The following PTTG1IP2 variants were observed in gnomAD, a reference collection of about 807,000 sequenced individuals.
PTTG1IP2 encodes PTTG1IP family member 2.
intron 6 of PTTG1IP2, among the ~76,000 whole-genome samples, chr7:90,496,172 A>G (rs2116098273): frequency 6.6e-6 from 1 of 152,354 alleles, no homozygotes; most frequent in African/African-American, 2.4e-5. Context: ...GCCTCATTAA[A>G]TGCATTGAGA....
At chr7:90,505,931 C>A (rs1008394407) in intron 6 of PTTG1IP2, among the ~76,000 whole-genome samples, 1 of 139,214 alleles carries the variant, frequency 7.2e-6, no homozygotes, top group African/African-American at 2.7e-5. Context: ...TTGCAGTGAG[C>A]CGAGATTCCG....
Position 90,475,699 on chromosome 7 carries a change from G to A in PTTG1IP2, c.146-3529G>A, listed in dbSNP as rs1412078346. ...CTTTGGGCCAGGCGTGGTGGCTCACGCCTGTAATCCCAGCACTTTGGGAGG... is the reference window on the plus strand; with the variant it reads ...CTTTGGGCCAGGCGTGGTGGCTCACACCTGTAATCCCAGCACTTTGGGAGG... On this transcript the variant is annotated intron_variant, in intron 1 of 6. Coordinates refer to ENST00000509356, the MANE Select transcript of PTTG1IP2 (RefSeq NM_001365443.2). Among the ~76,000 whole-genome samples the A allele has an allele frequency of 4.6e-5, 7 of 152,138 alleles. No homozygotes were observed. In the East Asian group the frequency reaches 9.7e-4, roughly 21 times the overall value.
In PTTG1IP2 at chr7:90,499,497, A is replaced by G. The variant is rs1002959922; in HGVS notation, c.*50+5067A>G. 2.0e-5 allele frequency among the ~76,000 whole-genome samples: 3 copies of G among 152,330 alleles called. No individual in the cohort carries two copies. The East Asian group carries it at 5.8e-4, about 29-fold the overall frequency. On this transcript the variant is annotated intron_variant, in intron 6 of 6. Coordinates refer to ENST00000509356, the MANE Select transcript of PTTG1IP2 (RefSeq NM_001365443.2). Reference sequence around the variant, plus strand: ...CAGCATTCACTCTACAGTTGGCCATATAATAATCATATAAAGACTTTTAAA... The same window carrying G: ...CAGCATTCACTCTACAGTTGGCCATGTAATAATCATATAAAGACTTTTAAA...
At chr7:90,483,157 G>T (rs2188516) in intron 2 of PTTG1IP2, among the ~76,000 whole-genome samples, 1 of 152,018 alleles carries the variant, frequency 6.6e-6, no homozygotes, top group Non-Finnish European at 1.5e-5. Context: ...CCTTCAGCTG[G>T]AATAAATATA....
chr7:90,494,835 A>T (rs1173639082), intron 6 of PTTG1IP2, among the ~76,000 whole-genome samples: 1 of 152,142 alleles, frequency 6.6e-6, no homozygotes, highest in Non-Finnish European at 1.5e-5. Flanking sequence ...ACATAGCAAG[A>T]CCCCATCACT....
chr7:90,504,090 G>A (rs1333144551), intron 6 of PTTG1IP2, among the ~76,000 whole-genome samples: 1 of 152,106 alleles, frequency 6.6e-6, no homozygotes, highest in Non-Finnish European at 1.5e-5. Context: ...GCTGGAGCAG[G>A]TGGATCACGA....
chr7:90,481,876 T>C (rs923699246), intron 2 of PTTG1IP2, among the ~76,000 whole-genome samples: 3 of 152,122 alleles, frequency 2.0e-5, no homozygotes, highest in African/African-American at 4.8e-5. Context: ...TTGAATTAAC[T>C]CTTGAGCCAT....
In PTTG1IP2 at chr7:90,469,673, CT is replaced by C. The variant is rs1280882456; in HGVS notation, c.-112del. On this transcript the variant is annotated 5_prime_UTR_variant, in exon 1 of 7. The change abolishes the stop of an existing upstream ORF in the 5' untranslated region. Transcript: ENST00000509356. ...GGCATCCAGGGCTTGCAAGTGGCAG[CT>C]TCAGCACCCAGGGCTGTGGTAGGTC... 2 of 152,734 alleles carry C rather than the reference CT, an allele frequency of 1.3e-5. No homozygotes were observed. The highest frequency in any genetic ancestry group is 1.3e-4 in the Admixed American group (2 of 15,294). The allele number at this position is 152,734 out of a possible 1,614,324, so 9.5% of individuals were successfully genotyped here. A position where few individuals can be genotyped will look rare whatever the true frequency, so the allele number is the denominator to read the frequency against.
intron 6 of PTTG1IP2, among the ~76,000 whole-genome samples, chr7:90,504,590 G>C (rs774614163): frequency 6.6e-6 from 1 of 152,124 alleles, no homozygotes; most frequent in Non-Finnish European, 1.5e-5. Context: ...ATTTACAAAA[G>C]CATTCAGAGA....
intron 2 of PTTG1IP2, among the ~76,000 whole-genome samples, chr7:90,479,762 G>A (rs1797794490): frequency 6.6e-6 from 1 of 152,170 alleles, no homozygotes; most frequent in Non-Finnish European, 1.5e-5. Flanking sequence ...TATAAGTTAT[G>A]AGGGAAATGG....
chr7:90,504,012 G>T (rs993548123), intron 6 of PTTG1IP2, among the ~76,000 whole-genome samples: 1 of 151,904 alleles, frequency 6.6e-6, no homozygotes, highest in Non-Finnish European at 1.5e-5. Context: ...GGATGGTTTG[G>T]TGAAGTAGAA....
chr7:90,492,155 G>A (rs1182441813), intron 4 of PTTG1IP2, 84 bp from the exon 5 acceptor site: 2 of 152,096 alleles, frequency 1.3e-5, no homozygotes, highest in Non-Finnish European at 2.9e-5. Context: ...AATAAAAAAA[G>A]TAGTCTATCT....
chr7:90,509,808 G>C (rs984991621), intron 6 of PTTG1IP2, among the ~76,000 whole-genome samples: 1 of 152,136 alleles, frequency 6.6e-6, no homozygotes, highest in Non-Finnish European at 1.5e-5. Flanking sequence ...GCAGTATAAG[G>C]GTGGTCAGGA....
intron 2 of PTTG1IP2, among the ~76,000 whole-genome samples, chr7:90,486,972 A>T (rs1184919069): frequency 6.6e-6 from 1 of 152,166 alleles, no homozygotes; most frequent in Non-Finnish European, 1.5e-5. Flanking sequence ...TGGGCAAAAA[A>T]AGTCACAAGG....
At position 90,488,914 on chromosome 7, in the gene PTTG1IP2, A is replaced by G. The variant is rs1044696034; in HGVS notation, c.330A>G (p.Leu110=). 6.6e-6 allele frequency: 1 copy of G among 151,936 alleles called. No individual in the cohort carries two copies. The highest frequency in any genetic ancestry group is 1.5e-5 in the Non-Finnish European group (1 of 67,828). 9.4% of individuals were successfully genotyped at this position (151,936 alleles called of 1,614,324 possible). ...GIMMLLLIAV[L]ITGFVWYCCA... ...TGATGCTTCTACTCATTGCAGTATTAATTACAGGATTCGTTTGGTACTGCT... is the reference window on the plus strand; with the variant it reads ...TGATGCTTCTACTCATTGCAGTATTGATTACAGGATTCGTTTGGTACTGCT... The change falls in exon 4 of 7, where the codon TTA becomes TTG. Residue 110 remains leucine (L), a synonymous_variant. Transcript: ENST00000509356.
At chr7:90,471,678 A>G (rs887867771) in intron 1 of PTTG1IP2, among the ~76,000 whole-genome samples, 7 of 152,218 alleles carry the variant, frequency 4.6e-5, no homozygotes, top group African/African-American at 1.7e-4. Flanking sequence ...AGAGGTAACT[A>G]GTGAGTTACT....
chr7:90,513,338 T>G lies in PTTG1IP2; in HGVS notation c.*111T>G, dbSNP rs1230031005. 1 of 152,640 alleles carries G rather than the reference T, an allele frequency of 6.6e-6. No homozygotes were observed. The highest frequency in any genetic ancestry group is 1.9e-4 in the East Asian group (1 of 5,206). 9.5% of individuals were successfully genotyped at this position (152,640 alleles called of 1,614,324 possible). On this transcript the variant is annotated 3_prime_UTR_variant, in exon 7 of 7. Coordinates refer to ENST00000509356, the MANE Select transcript of PTTG1IP2 (RefSeq NM_001365443.2). ...TTTGAGAATGATTGAACTTCCAAAT[T>G]CCCTGAAGTTAAAATTTTAAATTCT...
intron 1 of PTTG1IP2, among the ~76,000 whole-genome samples, chr7:90,476,318 A>G (rs1357301986): frequency 6.6e-6 from 1 of 152,208 alleles, no homozygotes; most frequent in Non-Finnish European, 1.5e-5. Context: ...TGAAATCCAT[A>G]TGACACAGAA....
At chr7:90,504,085 A>G (rs17863131) in intron 6 of PTTG1IP2, among the ~76,000 whole-genome samples, 27,265 of 152,014 alleles carry the variant, frequency 0.18, 2,612 homozygotes, top group East Asian at 0.23. Flanking sequence ...GGGAGGCTGG[A>G]GCAGGTGGAT....
Sources: allele counts gnomAD v4.1 joint callset (sites outside exome capture counted in the v4.1 genomes callset), GRCh38; gene constraint gnomAD v4.1.1; transcripts MANE v1.5; gene names NCBI Gene and HGNC (gene_info 2026-07-23, HGNC 2026-07-21).